The following ABCA7 variants were observed in gnomAD, a reference collection of about 807,000 sequenced individuals.
ABCA7 encodes the protein phospholipid-transporting ATPase ABCA7.
In ABCA7, 261 loss-of-function variants were observed where a neutral mutation model predicts 227.6. The ratio of observed to expected loss-of-function variants is 1.15; its 90% confidence interval spans 1.04 to 1.27. The LOEUF (loss-of-function observed/expected upper bound fraction) is 1.27, where lower values mean the gene tolerates loss of function less well. Among genes scored for constraint, ABCA7 ranks in the 50% most tolerant of loss-of-function variants. The probability of loss-of-function intolerance (pLI) is 0.00; values close to 1 mark genes in which losing one functional copy is unlikely to be tolerated. For synonymous variants in ABCA7, 1,488 were observed against 1,279.7 expected (o/e 1.16, Z -3.47); for missense variants, 3,331 against 2,924.5 (o/e 1.14, Z -3.21).
chr19:1,048,609 A>G (rs1291837132), intron 16 of ABCA7, among the ~76,000 whole-genome samples: 2 of 151,276 alleles, frequency 1.3e-5, no homozygotes, highest in African/African-American at 4.9e-5. Flanking sequence ...GGAGATGGAG[A>G]CCATCCTGGC....
intron 42 of ABCA7, 97 bp downstream of exon 42, chr19:1,062,410 T>A (rs1414252158): frequency 2.6e-6 from 4 of 1,533,316 alleles, no homozygotes; most frequent in Non-Finnish European, 3.5e-6. Context: ...TCTCTCGCCT[T>A]GGCTCCATCC....
At position 1,054,722 on chromosome 19, in the gene ABCA7, C is replaced by T; in HGVS notation, c.3851+28C>T. The T allele has an allele frequency of 1.9e-6, 3 of 1,608,214 alleles. No individual in the cohort carries two copies. The highest frequency in any genetic ancestry group is 1.1e-5 in the South Asian group (1 of 90,974). On this transcript the variant is annotated intron_variant, in intron 28 of 46. Coordinates refer to ENST00000263094, the MANE Select transcript of ABCA7 (RefSeq NM_019112.4). This position sits in a 1 kb window ranked among gnomAD's most constrained non-coding sequence, Gnocchi z 4.8. ...GGGTGCAGAAGGAAGGGGCTGGTGGCAGGAAGACTAGGGACCTGGGGGTAC... is the reference window on the plus strand; with the variant it reads ...GGGTGCAGAAGGAAGGGGCTGGTGGTAGGAAGACTAGGGACCTGGGGGTAC...
intron 17 of ABCA7, 104 bp from the exon 18 acceptor site, chr19:1,049,162 G>C (rs955983676): frequency 8.1e-6 from 11 of 1,366,100 alleles, no homozygotes; most frequent in Non-Finnish European, 1.1e-5. Context: ...AGCTTTTATA[G>C]GCCCCGGCCC....
At chr19:1,058,332 G>C in intron 37 of ABCA7, 63 bp downstream of exon 37, 2 of 1,594,982 alleles carry the variant, frequency 1.3e-6, no homozygotes, top group East Asian at 2.2e-5. Flanking sequence ...GAGACCTAGA[G>C]TTAATTATAC....
rs2042975937 is a variant in ABCA7 at position 1,065,278 on chromosome 19, GTAC to G, written c.6296_6298del (p.Tyr2099del). 1.1e-5 allele frequency: 17 copies of G among 1,613,276 alleles called. No homozygotes were observed. The highest frequency in any genetic ancestry group is 1.4e-5 in the Non-Finnish European group (17 of 1,179,960). ...GGGCTGCCCACCGCTAGGTATTCTT[GTAC>G]TTCTCCAAGGACCAGGGGAAGGACG... On this transcript the variant is annotated inframe_deletion, in exon 47 of 47. Transcript: ENST00000263094.
Position 1,050,984 on chromosome 19 carries a change from C to G in ABCA7, c.2616C>G (p.Val872=), listed in dbSNP as rs761645000. 1.2e-6 allele frequency: 2 copies of G among 1,612,250 alleles called. No homozygotes were observed. The highest frequency in any genetic ancestry group is 2.2e-5 in the South Asian group (2 of 91,008). ...CTGCCTTCATCCTGGGCCACGACGT[C>G]CGCTCCAGCATGGCCGCCATCCGGC... ...GGSAFILGHD[V]RSSMAAIRPH... is the part of the protein sequence containing the mutation. The change falls in exon 19 of 47, where the codon GTC becomes GTG. Residue 872 remains valine (V), a synonymous_variant. Transcript: ENST00000263094.
At chr19:1,047,410 GC>G in intron 15 of ABCA7, 32 bp downstream of exon 15, 1 of 1,544,208 alleles carries the variant, frequency 6.5e-7, no homozygotes, top group Non-Finnish European at 8.7e-7. Context: ...GATGGGGGAC[GC>G]CCCCCGCTTC....
chr19:1,044,537 G>A (rs994767164), intron 10 of ABCA7, 40 bp from the exon 11 acceptor site: 1 of 1,589,660 alleles, frequency 6.3e-7, no homozygotes, highest in African/African-American at 1.3e-5. Flanking sequence ...ATGAGCCACT[G>A]TGCCCGACCC....
chr19:1,046,812 G>A lies in ABCA7; in HGVS notation c.1633G>A (p.Val545Met). 1 of 1,537,964 alleles carries A rather than the reference G, an allele frequency of 6.5e-7. No homozygotes were observed. The highest frequency in any genetic ancestry group is 8.7e-7 in the Non-Finnish European group (1 of 1,146,976). ...PCYVDDVFLR[V>M]LSRSLPLFLT... ...CCGTCCCCACCCCAGGTTCCTGCGTGTGCTGAGCCGGTCGCTGCCGCTCTT... is the reference window on the plus strand; with the variant it reads ...CCGTCCCCACCCCAGGTTCCTGCGTATGCTGAGCCGGTCGCTGCCGCTCTT... Residue 545 changes from valine to methionine, a missense_variant, in exon 14 of 47, where the codon GTG (valine) becomes ATG (methionine). By Grantham distance (21) the Val-to-Met change is conservative (BLOSUM62 1). Transcript: ENST00000263094.
Position 1,054,102 on chromosome 19 carries a change from G to C in ABCA7, c.3569G>C (p.Gly1190Ala), listed in dbSNP as rs754997604. 2 of 1,613,220 alleles carry C rather than the reference G, an allele frequency of 1.2e-6. No individual in the cohort carries two copies. The highest frequency in any genetic ancestry group is 1.7e-6 in the Non-Finnish European group (2 of 1,179,950). The change falls in exon 26 of 47, where the codon GGG (glycine) becomes GCG (alanine). Residue 1190 changes from glycine to alanine, a missense_variant. Gly to Ala is a moderately conservative substitution (Grantham distance 60). Coordinates refer to ENST00000263094, the MANE Select transcript of ABCA7 (RefSeq NM_019112.4). This position sits in a 1 kb window ranked among gnomAD's most constrained non-coding sequence, Gnocchi z 4.8. ...CCACAGGAGACAGCGCTGGAGAACGGGGAACCAGGTAAGTCCTTCCCAGTG... is the reference window on the plus strand; with the variant it reads ...CCACAGGAGACAGCGCTGGAGAACGCGGAACCAGGTAAGTCCTTCCCAGTG... Reference protein sequence around the residue: ...MPPQETALENGEPAGSAPETD... With the variant: ...MPPQETALENAEPAGSAPETD...
At position 1,046,359 on chromosome 19, in the gene ABCA7, C is replaced by T. The variant is rs984215010; in HGVS notation, c.1575C>T (p.Ala525=). ...TGCTCAGCGGCGCCAACCCCCGGGC[C>T]GGCCTCTACCTGCAGCAGATGCCCT... is the stretch of plus-strand genomic sequence containing the variant. ...VRVLSGANPR[A]GLYLQQMPYP... The change falls in exon 13 of 47, where the codon GCC becomes GCT. Residue 525 remains alanine (A), a synonymous_variant. Coordinates refer to ENST00000263094, the MANE Select transcript of ABCA7 (RefSeq NM_019112.4). 5.1e-5 allele frequency: 81 copies of T among 1,595,498 alleles called. No individual in the cohort carries two copies. Among genetic ancestry groups the T allele is most frequent in the Non-Finnish European group, 6.0e-5 (71 of 1,175,238 alleles).
At chr19:1,051,690 C>T in intron 21 of ABCA7, 104 bp downstream of exon 21, 1 of 1,200,024 alleles carries the variant, frequency 8.3e-7, no homozygotes, top group Non-Finnish European at 1.2e-6. Context: ...ACATGTGGAC[C>T]CCACTTGTTG....
At chr19:1,061,186 C>T (rs987412830) in intron 40 of ABCA7, among the ~76,000 whole-genome samples, 3 of 151,890 alleles carry the variant, frequency 2.0e-5, no homozygotes, top group Admixed American at 1.3e-4. Flanking sequence ...CACTTGAGGT[C>T]AGGAGTTCGA....
chr19:1,063,832 G>A lies in ABCA7; in HGVS notation c.5920G>A (p.Glu1974Lys), dbSNP rs1225632987. Residue 1974 changes from glutamate (E) to lysine (K), a missense_variant, in exon 44 of 47, where the codon GAG (glutamate) becomes AAG (lysine). Physicochemically the swap from Glu to Lys is moderately conservative, Grantham distance 56 (BLOSUM62 1). Coordinates refer to ENST00000263094, the MANE Select transcript of ABCA7 (RefSeq NM_019112.4). ...GAACAGCCTTTTGGCCGTGGTGCGGGAGGGCCGTTCAGTGATGCTCACCTC... is the reference window on the plus strand; with the variant it reads ...GAACAGCCTTTTGGCCGTGGTGCGGAAGGGCCGTTCAGTGATGCTCACCTC... Reference protein sequence around the residue: ...LWNSLLAVVREGRSVMLTSHS... With the variant: ...LWNSLLAVVRKGRSVMLTSHS... 7 of 1,542,588 alleles carry A rather than the reference G, an allele frequency of 4.5e-6. No individual in the cohort carries two copies. In the East Asian group the frequency reaches 1.2e-4, roughly 27 times the overall value.
chr19:1,053,185 G>C (rs544034934), intron 23 of ABCA7, 144 bp from the exon 24 acceptor site: 2 of 813,684 alleles, frequency 2.5e-6, no homozygotes, highest in African/African-American at 3.4e-5. Context: ...GAGCCACTGC[G>C]CCCGGCCGCA....
intron 30 of ABCA7, 114 bp downstream of exon 30, chr19:1,055,465 T>C: frequency 8.0e-7 from 1 of 1,252,830 alleles, no homozygotes; most frequent in Non-Finnish European, 1.1e-6. Context: ...AGCTTGGGGC[T>C]ACGGGCTGGG....
chr19:1,042,872 C>T, intron 7 of ABCA7, 46 bp downstream of exon 7: 10 of 1,531,258 alleles, frequency 6.5e-6, no homozygotes, highest in Non-Finnish European at 7.9e-6. Context: ...GCAACGTTGG[C>T]AGGCAGCCTG....
intron 23 of ABCA7, among the ~76,000 whole-genome samples, chr19:1,052,647 A>G (rs62131198): frequency 6.8e-5 from 1 of 14,804 alleles, no homozygotes. Flanking sequence ...GAAGGGGGAG[A>G]AGTAGGAGGA....
Position 1,057,949 on chromosome 19 carries a change from T to G in ABCA7, c.4915T>G (p.Phe1639Val). The G allele has an allele frequency of 6.2e-7, 1 of 1,613,962 alleles. No homozygotes were observed. Among genetic ancestry groups the G allele is most frequent in the Non-Finnish European group, 8.5e-7 (1 of 1,179,968 alleles). Residue 1639 changes from phenylalanine to valine, a missense_variant, in exon 36 of 47, where the codon TTC (phenylalanine) becomes GTC (valine). Physicochemically the swap from Phe to Val is conservative, Grantham distance 50. Coordinates refer to ENST00000263094, the MANE Select transcript of ABCA7 (RefSeq NM_019112.4). The stretch of plus-strand genomic sequence containing the variant: ...CACACCGCTCATGTACCCAGCCTCC[T>G]TCTTCTTCTCCGTGCCCAGCACAGC... ...SITPLMYPAS[F>V]FFSVPSTAYV...
Sources: gnomAD v4.1 joint callset for allele counts (sites outside exome capture counted in the v4.1 genomes callset) on GRCh38, gnomAD v4.1.1 for gene constraint, Gnocchi (gnomAD v3.1) non-coding constraint, MANE v1.5 for transcripts, NCBI Gene and HGNC (gene_info 2026-07-23, HGNC 2026-07-21) for gene names.